The following IQCM variants were observed in gnomAD, a reference collection of about 807,000 sequenced individuals.
IQCM encodes the protein IQ domain-containing protein M.
A neutral mutation model predicts 57.6 loss-of-function variants in IQCM; 45 were observed. The ratio of observed to expected loss-of-function variants is 0.78; its 90% CI spans 0.62 to 1.00. The LOEUF is 1.00. Among genes scored for constraint, IQCM ranks in the 50% least tolerant of loss-of-function variants. The probability of loss-of-function intolerance (pLI) is 0.00; values close to 1 mark genes in which losing one functional copy is unlikely to be tolerated. For synonymous variants in IQCM, 148 were observed against 158.9 expected (o/e 0.93, Z 0.51); for missense variants, 468 against 511.6 (o/e 0.91, Z 0.82).
chr4:149,742,692 G>C lies in IQCM; in HGVS notation c.-1C>G. The C allele has an allele frequency of 8.1e-7, 1 of 1,231,294 alleles. No homozygotes were observed. Among genetic ancestry groups the C allele is most frequent in the Non-Finnish European group, 1.0e-6 (1 of 987,314 alleles). 76.3% of individuals were successfully genotyped at this position (1,231,294 alleles called of 1,614,324 possible). On this transcript the variant is annotated 5_prime_UTR_variant, in exon 3 of 14. Transcript: ENST00000636793. ...CAGGCATAGCCTCTTCAGTAGTCAT[G>C]AGGGGCAGTTAGAATGATCTTCTTT...
At chr4:149,718,903 T>C (rs1402529514) in intron 5 of IQCM, among the ~76,000 whole-genome samples, 1 of 152,220 alleles carries the variant, frequency 6.6e-6, no homozygotes, top group Non-Finnish European at 1.5e-5. Flanking sequence ...ACCCAAAAAT[T>C]CTTATATTAA....
At chr4:149,672,047 G>T (rs561191082) in intron 7 of IQCM, among the ~76,000 whole-genome samples, 2 of 152,254 alleles carry the variant, frequency 1.3e-5, no homozygotes, top group Admixed American at 1.3e-4. Flanking sequence ...CAACAGACCT[G>T]CAGCTGAGGG....
chr4:149,457,938 C>T (rs1035879405), intron 12 of IQCM, among the ~76,000 whole-genome samples: 7 of 151,894 alleles, frequency 4.6e-5, no homozygotes, highest in Non-Finnish European at 1.0e-4. Flanking sequence ...ATAAATTAAG[C>T]ACTGCTATAT....
chr4:149,511,985 G>C (rs1744473278), intron 12 of IQCM, among the ~76,000 whole-genome samples: 1 of 152,020 alleles, frequency 6.6e-6, no homozygotes, highest in Non-Finnish European at 1.5e-5. Flanking sequence ...TACATCCTAA[G>C]TCCTAGGTGT....
intron 2 of IQCM, among the ~76,000 whole-genome samples, chr4:149,752,552 A>T (rs1456786719): frequency 1.1e-5 from 1 of 94,626 alleles, no homozygotes; most frequent in South Asian, 3.0e-4. Context: ...CTCTGTCTTA[A>T]AAAAAAAAAA....
At chr4:149,670,838 T>C (rs61517703) in intron 7 of IQCM, among the ~76,000 whole-genome samples, 22,505 of 152,104 alleles carry the variant, frequency 0.15, 2,077 homozygotes, top group South Asian at 0.33. Context: ...AATTCTATCA[T>C]GGTGGATAAA....
intron 12 of IQCM, among the ~76,000 whole-genome samples, chr4:149,503,636 T>G (rs1198792739): frequency 1.3e-5 from 2 of 152,160 alleles, no homozygotes; most frequent in African/African-American, 4.8e-5. Flanking sequence ...TATAAATTTT[T>G]TTTGAAGGTA....
intron 2 of IQCM, among the ~76,000 whole-genome samples, chr4:149,804,006 AGAT>A (rs199919019): frequency 0.022 from 3,325 of 152,024 alleles, 59 homozygotes; most frequent in South Asian, 0.036. Flanking sequence ...AGGTGATACA[AGAT>A]GGCTGGAGGG....
At chr4:149,505,199 T>C (rs767394428) in intron 12 of IQCM, among the ~76,000 whole-genome samples, 4 of 152,146 alleles carry the variant, frequency 2.6e-5, no homozygotes, top group South Asian at 2.1e-4. Flanking sequence ...GGGCATAACA[T>C]TGACATTTCT....
At chr4:149,486,017 GTCTCTCTCTCTCTCTCTCTC>G (rs71596213) in intron 12 of IQCM, among the ~76,000 whole-genome samples, 9 of 121,690 alleles carry the variant, frequency 7.4e-5, no homozygotes, top group East Asian at 2.5e-4. Flanking sequence ...AGCAAACAGA[GTCTCTCTCTCTCTCTCTCTC>G]TCTCTCTCTC....
intron 8 of IQCM, among the ~76,000 whole-genome samples, chr4:149,612,021 G>C (rs186323461): frequency 5.9e-5 from 9 of 152,070 alleles, no homozygotes; most frequent in African/African-American, 1.4e-4. Flanking sequence ...CATGGCTGGT[G>C]AGACCTCAAG....
intron 2 of IQCM, among the ~76,000 whole-genome samples, chr4:149,774,798 G>T (rs1580265113): frequency 1.3e-5 from 2 of 150,676 alleles, no homozygotes; most frequent in Middle Eastern, 3.4e-3. Context: ...TCAGGAAGAT[G>T]AAGTAAAATA....
intron 9 of IQCM, among the ~76,000 whole-genome samples, chr4:149,585,487 T>G (rs935817406): frequency 1.1e-4 from 16 of 151,768 alleles, no homozygotes; most frequent in African/African-American, 3.9e-4. Flanking sequence ...GTATTTTATA[T>G]AGACATATAT....
In IQCM at chr4:149,682,161, G is replaced by A; in HGVS notation, c.522C>T (p.Tyr174=). 1.6e-6 allele frequency: 2 copies of A among 1,226,170 alleles called. No homozygotes were observed. The highest frequency in any genetic ancestry group is 1.0e-6 in the Non-Finnish European group (1 of 983,052). The allele number at this position is 1,226,170 out of a possible 1,614,324, so 76.0% of individuals were successfully genotyped here. Residue 174 remains tyrosine, a synonymous_variant, in exon 7 of 14, where the codon TAC becomes TAT. Transcript: ENST00000636793. ...CCAAGTTAGAGGTCCCAGGTTGTAA[G>A]TAAAGATGGACAGGAAAGGGATAGA... The part of the protein sequence containing the change: ...ELLYPFPVHL[Y]LQPGTSNLEL...
intron 7 of IQCM, among the ~76,000 whole-genome samples, chr4:149,642,596 G>A (rs1758289850): frequency 6.6e-6 from 1 of 152,108 alleles, no homozygotes; most frequent in Non-Finnish European, 1.5e-5. Flanking sequence ...GGACTACACA[G>A]GAAAATTTGG....
At chr4:149,659,407 A>G (rs1355329440) in intron 7 of IQCM, among the ~76,000 whole-genome samples, 1 of 152,168 alleles carries the variant, frequency 6.6e-6, no homozygotes, top group Non-Finnish European at 1.5e-5. Context: ...CATACTGCCC[A>G]AGGTAATTTA....
chr4:149,420,576 G>A (rs773998279), intron 13 of IQCM, among the ~76,000 whole-genome samples: 8 of 151,880 alleles, frequency 5.3e-5, no homozygotes, highest in Non-Finnish European at 1.0e-4. Context: ...AACCACCATG[G>A]CACACATTTT....
chr4:149,660,793 G>C lies in IQCM; in HGVS notation c.565+21325C>G, dbSNP rs1340217605. On this transcript the variant is annotated intron_variant, in intron 7 of 13. Coordinates refer to ENST00000636793, the MANE Select transcript of IQCM (RefSeq NM_001363507.2). ...TGGGAACCGAACAATGAGAACACAT[G>C]GACACAGGAAGGGGAACATCACACT... is the stretch of plus-strand genomic sequence containing the variant. Among the ~76,000 whole-genome samples, 3 of 151,918 alleles carry C rather than the reference G, an allele frequency of 2.0e-5. No individual in the cohort carries two copies. The South Asian group carries it at 6.2e-4, about 32-fold the overall frequency.
chr4:149,426,333 T>A (rs1734460188), intron 13 of IQCM, among the ~76,000 whole-genome samples: 1 of 151,960 alleles, frequency 6.6e-6, no homozygotes, highest in African/African-American at 2.4e-5. Flanking sequence ...AGCAACTCAG[T>A]CTTTCCTGTG....
Sources: allele counts gnomAD v4.1 joint callset (sites outside exome capture counted in the v4.1 genomes callset), GRCh38; gene constraint gnomAD v4.1.1; transcripts MANE v1.5; gene names NCBI Gene and HGNC (gene_info 2026-07-23, HGNC 2026-07-21).